Variants in NFS1 observed in about 807,000 individuals in gnomAD.
NFS1 encodes the protein cysteine desulfurase.
Under a neutral mutation model 57.3 loss-of-function variants are expected in NFS1, and 26 were observed. The ratio of observed to expected loss-of-function variants is 0.45; its 90% CI spans 0.33 to 0.63. The LOEUF (loss-of-function observed/expected upper bound fraction) is 0.63. Ranked by LOEUF, NFS1 falls within the 20% of genes least tolerant of loss-of-function variation. NFS1 has a pLI of 0.02. For synonymous variants in NFS1, 209 were observed against 216.3 expected, an observed-to-expected ratio of 0.97 and a Z score of 0.30; for missense variants, 505 against 605.8, an observed-to-expected ratio of 0.83 and a Z score of 1.75.
rs749713687 is a variant in NFS1 at position 35,696,460 on chromosome 20, G to T, written c.325C>A (p.Gln109Lys). 1.2e-6 allele frequency: 2 copies of T among 1,612,840 alleles called. No homozygotes were observed. Among genetic ancestry groups the T allele is most frequent in the South Asian group, 1.1e-5 (1 of 91,048 alleles). The change falls in exon 4 of 13, where the codon CAA becomes AAA. Residue 109 changes from glutamine (Q) to lysine (K), a missense_variant and splice_region_variant. Coordinates refer to ENST00000374092, the MANE Select transcript of NFS1 (RefSeq NM_021100.5). ...SEAAMERARQ[Q>K]VASLIGADPR... ...TCAGCTCCAATCAGAGATGCTACTT[G>T]CTGCAAGCCAAGAAACAGAGATATA...
intron 4 of NFS1, among the ~76,000 whole-genome samples, chr20:35,691,738 CAAAAAAAAAA>C (rs60402350): frequency 1.7e-4 from 3 of 18,158 alleles, no homozygotes; most frequent in East Asian, 2.8e-3. Context: ...GACTGCATCT[CAAAAAAAAAA>C]AAAAAAAAAA....
intron 7 of NFS1, among the ~76,000 whole-genome samples, chr20:35,676,768 A>AAAAAC: frequency 6.8e-6 from 1 of 147,632 alleles, no homozygotes; most frequent in Non-Finnish European, 1.5e-5. Context: ...GAAAAAAAAA[A>AAAAAC]AAAAAAAAAA....
chr20:35,685,347 T>G (rs1205539805), intron 5 of NFS1, among the ~76,000 whole-genome samples: 9 of 151,584 alleles, frequency 5.9e-5, no homozygotes, highest in Non-Finnish European at 1.2e-4. Flanking sequence ...CCAGAGCAAG[T>G]TCCTCTCTCA....
rs1478712173 is a variant in NFS1, at chr20:35,696,435, T to A, written c.350A>T (p.Asp117Val). ...ACTAGTAAAAATGATCTCACGAGGATCAGCTCCAATCAGAGATGCTACTTG... is the reference window on the plus strand; with the variant it reads ...ACTAGTAAAAATGATCTCACGAGGAACAGCTCCAATCAGAGATGCTACTTG... ...RQQVASLIGA[D>V]PREIIFTSGA... The change falls in exon 4 of 13, where the codon GAT becomes GTT. Residue 117 changes from aspartate to valine, a missense_variant. Physicochemically the swap from Asp to Val is radical, Grantham distance 152. Transcript: ENST00000374092. 2.5e-6 allele frequency: 4 copies of A among 1,613,952 alleles called. No individual in the cohort carries two copies. The highest frequency in any genetic ancestry group is 3.4e-6 in the Non-Finnish European group (4 of 1,179,884).
intron 7 of NFS1, among the ~76,000 whole-genome samples, chr20:35,679,095 G>T (rs943057812): frequency 6.6e-6 from 1 of 152,174 alleles, no homozygotes; most frequent in Non-Finnish European, 1.5e-5. Flanking sequence ...CTGTACACAT[G>T]TAAGTGTTGA....
At chr20:35,690,683 A>G in intron 4 of NFS1, 118 bp from the exon 5 acceptor site, 1 of 946,602 alleles carries the variant, frequency 1.1e-6, no homozygotes. Context: ...CAGTTCTCTC[A>G]TACCAACTGA....
chr20:35,689,644 C>T (rs2035007191), intron 5 of NFS1, among the ~76,000 whole-genome samples: 2 of 152,028 alleles, frequency 1.3e-5, no homozygotes, highest in African/African-American at 2.4e-5. Flanking sequence ...GTGGTGCATG[C>T]CTGTAATCCC....
chr20:35,690,260 C>G (rs183395997), intron 5 of NFS1, among the ~76,000 whole-genome samples, 153 bp downstream of exon 5: 1 of 152,188 alleles, frequency 6.6e-6, no homozygotes, highest in Non-Finnish European at 1.5e-5. Flanking sequence ...TCAAGGGGAA[C>G]ATGATCTCGT....
chr20:35,677,332 G>GTT (rs2034769732), intron 7 of NFS1, among the ~76,000 whole-genome samples: 1 of 151,802 alleles, frequency 6.6e-6, no homozygotes, highest in Admixed American at 6.6e-5. Context: ...AGAAGTTTGG[G>GTT]ACCAGCCTGA....
At chr20:35,694,356 G>A (rs1415963190) in intron 4 of NFS1, among the ~76,000 whole-genome samples, 1 of 152,034 alleles carries the variant, frequency 6.6e-6, no homozygotes, top group Non-Finnish European at 1.5e-5. Context: ...TGTTGGTCAG[G>A]CTGGTCTCGA....
At chr20:35,671,163 G>A (rs2034647359) in intron 12 of NFS1, among the ~76,000 whole-genome samples, 1 of 152,196 alleles carries the variant, frequency 6.6e-6, no homozygotes, top group Admixed American at 6.5e-5. Context: ...GAGAGCAGTG[G>A]TGCGATCTCA....
chr20:35,685,865 CAAAAA>C (rs72491026), intron 5 of NFS1, among the ~76,000 whole-genome samples: 2 of 66,608 alleles, frequency 3.0e-5, no homozygotes. Context: ...TACCCCCCCG[CAAAAA>C]AAAAAAAAAA....
In NFS1 at chr20:35,696,479, A is replaced by C. The variant is rs1283076029; in HGVS notation, c.325-19T>G. Reference sequence around the variant, plus strand: ...CTACTTGCTGCAAGCCAAGAAACAGAGATATATAACATCAGTTCCCCAGGC... The same window carrying C: ...CTACTTGCTGCAAGCCAAGAAACAGCGATATATAACATCAGTTCCCCAGGC... On this transcript the variant is annotated intron_variant, in intron 3 of 12. Transcript: ENST00000374092. 1 of 1,601,654 alleles carries C rather than the reference A, an allele frequency of 6.2e-7. No homozygotes were observed. The highest frequency in any genetic ancestry group is 8.6e-7 in the Non-Finnish European group (1 of 1,168,752).
chr20:35,692,574 G>C (rs548881961), intron 4 of NFS1, among the ~76,000 whole-genome samples: 2 of 148,928 alleles, frequency 1.3e-5, no homozygotes, highest in East Asian at 3.9e-4. Context: ...CTGGCGTGGT[G>C]GTACACATCT....
chr20:35,681,306 G>A (rs1457801856), intron 6 of NFS1, among the ~76,000 whole-genome samples: 3 of 152,074 alleles, frequency 2.0e-5, no homozygotes, highest in Admixed American at 1.3e-4. Context: ...TCTCTATGTG[G>A]GGAGAATAGA....
At chr20:35,686,891 T>G (rs1363825686) in intron 5 of NFS1, among the ~76,000 whole-genome samples, 2 of 152,126 alleles carry the variant, frequency 1.3e-5, no homozygotes, top group Non-Finnish European at 2.9e-5. Flanking sequence ...TTTATTCTAA[T>G]ATTATAATAA....
At chr20:35,698,089 G>C (rs1195435619) in intron 2 of NFS1, among the ~76,000 whole-genome samples, 2 of 152,172 alleles carry the variant, frequency 1.3e-5, no homozygotes, top group African/African-American at 4.8e-5. Context: ...ATTCCTGCCA[G>C]GTAATGTGAT....
chr20:35,690,572 A>G lies in NFS1; in HGVS notation c.409-7T>C, dbSNP rs2035025398. 2 of 1,613,720 alleles carry G rather than the reference A, an allele frequency of 1.2e-6. No homozygotes were observed. The highest frequency in any genetic ancestry group is 1.7e-6 in the Non-Finnish European group (2 of 1,179,822). ...TGTAGAATCGGGCCACCCCCTAGAA[A>G]TTGGTGGTGACAGATGGAAGGAGAA... On this transcript the variant is annotated splice_region_variant and splice_polypyrimidine_tract_variant and intron_variant, in intron 4 of 12. Coordinates refer to ENST00000374092, the MANE Select transcript of NFS1 (RefSeq NM_021100.5).
At chr20:35,685,381 G>A (rs895377580) in intron 5 of NFS1, among the ~76,000 whole-genome samples, 29 of 151,456 alleles carry the variant, frequency 1.9e-4, no homozygotes, top group Admixed American at 3.3e-4. Flanking sequence ...ATATAGCCAG[G>A]TGTGGTGGCA....
Sources: allele counts gnomAD v4.1 joint callset (sites outside exome capture counted in the v4.1 genomes callset), GRCh38; gene constraint gnomAD v4.1.1; transcripts MANE v1.5; gene names NCBI Gene and HGNC (gene_info 2026-07-23, HGNC 2026-07-21).